The following FOCAD variants were observed in gnomAD, a reference collection of about 807,000 sequenced individuals.
The protein encoded by FOCAD is KIAA1797.
A neutral mutation model predicts 225.6 loss-of-function variants in FOCAD; 198 were observed. That is an observed-to-expected ratio of 0.88 (90% CI 0.78 to 0.99). The LOEUF (loss-of-function observed/expected upper bound fraction) is 0.99, where lower values mean the gene tolerates loss of function less well. Ranked by LOEUF, FOCAD falls within the 50% of genes least tolerant of loss-of-function variation. FOCAD has a pLI of 0.00. For missense variants in FOCAD, 2,713 were observed against 2,123.6 expected (o/e 1.28, Z -5.46); for synonymous variants, 897 against 755.0 (o/e 1.19, Z -3.08).
chr9:20,935,500 A>G (rs1393569409), intron 28 of FOCAD, among the ~76,000 whole-genome samples: 3 of 152,170 alleles, frequency 2.0e-5, no homozygotes, highest in Non-Finnish European at 2.9e-5. Context: ...TCCCGAGTTC[A>G]AGTGATTCTC....
chr9:20,776,724 A>G (rs1818795420), intron 8 of FOCAD, among the ~76,000 whole-genome samples: 2 of 152,236 alleles, frequency 1.3e-5, no homozygotes, highest in African/African-American at 4.8e-5. Flanking sequence ...TGGGCCTTGC[A>G]GTAATAGCTT....
chr9:20,866,917 T>TTTTTTTTTA lies in FOCAD; in HGVS notation c.2107-12_2107-11insTTTTTTTTA. The TTTTTTTTTA allele has an allele frequency of 6.5e-6, 5 of 764,968 alleles. No individual in the cohort carries two copies. The highest frequency in any genetic ancestry group is 8.0e-6 in the Non-Finnish European group (4 of 498,464). 47.4% of individuals were successfully genotyped at this position (764,968 alleles called of 1,614,324 possible). ...TTTTTTTTTTTTTTTTTTTTTTTTT[T>TTTTTTTTTA]ACCCTATCTAGGACCCAATTGTAGC... is the stretch of plus-strand genomic sequence containing the variant. On this transcript the variant is annotated splice_polypyrimidine_tract_variant and intron_variant, in intron 17 of 43. Transcript: ENST00000338382.
intron 2 of FOCAD, among the ~76,000 whole-genome samples, chr9:20,677,676 G>C (rs1822275706): frequency 6.6e-6 from 1 of 151,588 alleles, no homozygotes; most frequent in Non-Finnish European, 1.5e-5. Context: ...AAACCTGTTA[G>C]AAAAGGTAAC....
chr9:20,824,484 C>T (rs1027056619), intron 15 of FOCAD, among the ~76,000 whole-genome samples: 2 of 152,000 alleles, frequency 1.3e-5, no homozygotes, highest in East Asian at 3.9e-4. Context: ...CCATCCCCTC[C>T]TGTTACTATA....
intron 18 of FOCAD, among the ~76,000 whole-genome samples, chr9:20,867,220 T>G (rs572389158): frequency 1.1e-4 from 17 of 151,862 alleles, no homozygotes; most frequent in African/African-American, 4.1e-4. Flanking sequence ...ATGATGCAAA[T>G]GAAATCTTCT....
chr9:20,895,551 G>A (rs1239308170), intron 21 of FOCAD, among the ~76,000 whole-genome samples: 2 of 151,394 alleles, frequency 1.3e-5, no homozygotes, highest in African/African-American at 2.4e-5. Context: ...ATATATATAT[G>A]TCTGCGCATA....
intron 7 of FOCAD, among the ~76,000 whole-genome samples, chr9:20,769,342 G>C (rs543112353): frequency 6.6e-6 from 1 of 152,212 alleles, no homozygotes; most frequent in African/African-American, 2.4e-5. Flanking sequence ...GATTGAAGCA[G>C]ATGGTCCGTT....
chr9:20,926,824 T>A (rs1835000086), intron 26 of FOCAD, among the ~76,000 whole-genome samples: 1 of 151,240 alleles, frequency 6.6e-6, no homozygotes, highest in East Asian at 1.9e-4. Flanking sequence ...AGAAATCCAT[T>A]ATATAGTGTA....
intron 26 of FOCAD, among the ~76,000 whole-genome samples, chr9:20,926,647 G>T (rs1404106833): frequency 1.3e-5 from 2 of 152,070 alleles, no homozygotes; most frequent in Non-Finnish European, 2.9e-5. Context: ...GCCGGGCGTG[G>T]TGGCACATGC....
At chr9:20,672,336 TG>T (rs1421614680) in intron 2 of FOCAD, among the ~76,000 whole-genome samples, 1 of 152,250 alleles carries the variant, frequency 6.6e-6, no homozygotes, top group Non-Finnish European at 1.5e-5. Context: ...CTATGGGAGC[TG>T]GTTTGACTAT....
In FOCAD at chr9:20,786,816, G is replaced by A. The variant is rs983230035; in HGVS notation, c.1198-2535G>A. The A allele has an allele frequency of 7.1e-5, 12 of 168,374 alleles. No individual in the cohort carries two copies. The South Asian group carries it at 1.5e-3, about 22-fold the overall frequency. 10.4% of individuals were successfully genotyped at this position (168,374 alleles called of 1,614,324 possible). On this transcript the variant is annotated intron_variant, in intron 10 of 43. Transcript: ENST00000338382. ...GTAAAAGATGTCTTACAACCACCCA[G>A]TATTTATTTAAATGTATTTTTCTGT...
chr9:20,889,856 C>G (rs568242547), intron 21 of FOCAD, among the ~76,000 whole-genome samples: 2 of 152,228 alleles, frequency 1.3e-5, no homozygotes, highest in East Asian at 1.9e-4. Context: ...AATAGAGTAT[C>G]TAGACCCATG....
intron 8 of FOCAD, among the ~76,000 whole-genome samples, chr9:20,773,369 T>C (rs937129032): frequency 6.6e-6 from 1 of 152,252 alleles, no homozygotes; most frequent in Non-Finnish European, 1.5e-5. Context: ...TGCACATGCC[T>C]GGGCCTTATC....
At chr9:20,868,465 A>G (rs867592721) in intron 18 of FOCAD, among the ~76,000 whole-genome samples, 5 of 152,084 alleles carry the variant, frequency 3.3e-5, no homozygotes, top group Middle Eastern at 3.4e-3. Flanking sequence ...TCAATTTCCA[A>G]TTATGTTTGC....
intron 11 of FOCAD, among the ~76,000 whole-genome samples, chr9:20,808,745 C>A (rs1454272548): frequency 2.0e-5 from 3 of 152,162 alleles, no homozygotes; most frequent in Non-Finnish European, 4.4e-5. Context: ...TCCTCTGTCT[C>A]ATTCTTCCAC....
intron 28 of FOCAD, among the ~76,000 whole-genome samples, chr9:20,938,794 A>G (rs1385580746): frequency 1.3e-5 from 2 of 152,240 alleles, no homozygotes; most frequent in Admixed American, 6.5e-5. Context: ...AGAATTCATT[A>G]TATATTATGT....
chr9:20,896,939 G>A (rs7049134), intron 21 of FOCAD: 123,962 of 151,712 alleles, frequency 0.82, 50,848 homozygotes, highest in Admixed American at 0.88. Flanking sequence ...GAGTTCAACT[G>A]TGTCTTTACT....
Position 20,714,175 on chromosome 9 carries a change from A to G in FOCAD, c.-32-1147A>G, listed in dbSNP as rs1460854326. Among the ~76,000 whole-genome samples, 8 of 152,282 alleles carry G rather than the reference A, an allele frequency of 5.3e-5. No homozygotes were observed. The East Asian group carries it at 1.4e-3, about 26-fold the overall frequency. On this transcript the variant is annotated intron_variant, in intron 1 of 43. Transcript: ENST00000338382. ...ATTTTTTTTTGGACTATTTGCATAT[A>G]CTTTAAACCGGTTGAAAATCCAATC...
In FOCAD at chr9:20,823,065, ACT is replaced by A; in HGVS notation, c.1872_1873del (p.Pro625SerfsTer15). ...LNECTKPDQA[T>X]PAALVLQGLH... The stretch of plus-strand genomic sequence containing the variant: ...TGAATGCACCAAGCCTGATCAAGCT[ACT>A]CCAGCAGCCTTGGTATTACAGGGTC... On this transcript the variant is annotated frameshift_variant, in exon 15 of 44. Transcript: ENST00000338382. LOFTEE classifies it high-confidence loss of function. The A allele has an allele frequency of 1.2e-6, 2 of 1,609,494 alleles. No individual in the cohort carries two copies. Among genetic ancestry groups the A allele is most frequent in the East Asian group, 4.5e-5 (2 of 44,558 alleles).
Sources: allele counts gnomAD v4.1 joint callset (sites outside exome capture counted in the v4.1 genomes callset), GRCh38; gene constraint gnomAD v4.1.1; transcripts MANE v1.5; gene names NCBI Gene and HGNC (gene_info 2026-07-23, HGNC 2026-07-21).